RGS7: variants seen among roughly 807,000 people sequenced by gnomAD.
RGS7 encodes regulator of G-protein signaling 7.
In RGS7, 27 loss-of-function variants were observed where a neutral mutation model predicts 81.1. That is an observed-to-expected ratio of 0.33 (90% CI 0.25 to 0.46). The LOEUF (loss-of-function observed/expected upper bound fraction) is 0.46, where lower values mean the gene tolerates loss of function less well. RGS7 is among the 20% of genes least tolerant of loss of function. RGS7 has a pLI of 1.00. For synonymous variants in RGS7, 208 were observed against 207.7 expected (o/e 1.00, Z -0.01); for missense variants, 396 against 607.4 (o/e 0.65, Z 3.66).
At position 241,315,351 on chromosome 1, in the gene RGS7, C is replaced by G. The variant is rs576112143; in HGVS notation, c.78+40348G>C. Among the ~76,000 whole-genome samples the G allele has an allele frequency of 1.6e-3, 245 of 151,978 alleles. 12 individuals carry two copies. The South Asian group carries it at 0.049, about 31-fold the overall frequency. ...TTCCCCAGCCGTGCTCTCCTGTCAA[C>G]AACTGTCTGATATCTGATAATAGCT... On this transcript the variant is annotated intron_variant, in intron 2 of 18. Coordinates refer to ENST00000440928, the MANE Select transcript of RGS7 (RefSeq NM_001364886.1).
At chr1:241,190,510 G>C (rs2072558386) in intron 2 of RGS7, among the ~76,000 whole-genome samples, 1 of 152,048 alleles carries the variant, frequency 6.6e-6, no homozygotes, top group South Asian at 2.1e-4. Context: ...TAGTACTGTA[G>C]TTTTCAGCAC....
chr1:241,189,358 T>C (rs1304711375), intron 2 of RGS7, among the ~76,000 whole-genome samples: 2 of 152,220 alleles, frequency 1.3e-5, no homozygotes, highest in African/African-American at 4.8e-5. Context: ...GCCCTTGGTC[T>C]AATTGTTTGC....
In RGS7 at chr1:241,210,377, G is replaced by A. The variant is rs563055350; in HGVS notation, c.79-111615C>T. Among the ~76,000 whole-genome samples the A allele has an allele frequency of 6.9e-4, 105 of 152,098 alleles. 1 individual carries two copies. The South Asian group carries it at 0.02, about 29-fold the overall frequency. The stretch of plus-strand genomic sequence containing the variant: ...GTTGGCCAGGCTGGTCTCAAACTCC[G>A]GACCTCGTGATCCACCCACCTCGGC... On this transcript the variant is annotated intron_variant, in intron 2 of 18. Coordinates refer to ENST00000440928, the MANE Select transcript of RGS7 (RefSeq NM_001364886.1).
intron 2 of RGS7, among the ~76,000 whole-genome samples, chr1:241,202,425 G>T (rs1240320997): frequency 6.6e-6 from 1 of 152,114 alleles, no homozygotes; most frequent in Non-Finnish European, 1.5e-5. Context: ...AAGAGAAAAG[G>T]CATACAAATT....
At chr1:240,808,783 G>C (rs1689324757) in intron 14 of RGS7, among the ~76,000 whole-genome samples, 1 of 152,036 alleles carries the variant, frequency 6.6e-6, no homozygotes, top group Admixed American at 6.6e-5. Flanking sequence ...GCTGAGGTGG[G>C]AGGATCAGTT....
intron 14 of RGS7, among the ~76,000 whole-genome samples, chr1:240,810,603 T>C (rs1268199199): frequency 3.3e-5 from 5 of 151,930 alleles, no homozygotes; most frequent in Non-Finnish European, 7.4e-5. Context: ...TGTGCCACCA[T>C]GCCCGGTTAA....
chr1:241,019,360 A>AT (rs906030070), intron 3 of RGS7, among the ~76,000 whole-genome samples: 5 of 151,726 alleles, frequency 3.3e-5, no homozygotes, highest in East Asian at 3.9e-4. Flanking sequence ...TTATTTATTT[A>AT]TTTTTTTAAA....
At chr1:241,309,799 C>A (rs555008653) in intron 2 of RGS7, among the ~76,000 whole-genome samples, 1 of 152,302 alleles carries the variant, frequency 6.6e-6, no homozygotes, top group East Asian at 1.9e-4. Flanking sequence ...AGGCAAAATG[C>A]AAATGTTAGA....
chr1:241,308,422 G>A (rs1288302785), intron 2 of RGS7, among the ~76,000 whole-genome samples: 1 of 152,172 alleles, frequency 6.6e-6, no homozygotes, highest in Non-Finnish European at 1.5e-5. Context: ...GTTTTGACAC[G>A]GATATGGATT....
At chr1:241,169,572 T>C (rs1471989422) in intron 2 of RGS7, among the ~76,000 whole-genome samples, 1 of 151,954 alleles carries the variant, frequency 6.6e-6, no homozygotes, top group African/African-American at 2.4e-5. Context: ...CTTGAACTCC[T>C]GACCTTGTGA....
intron 2 of RGS7, among the ~76,000 whole-genome samples, chr1:241,328,702 T>C (rs1432459319): frequency 6.6e-6 from 1 of 152,220 alleles, no homozygotes; most frequent in Non-Finnish European, 1.5e-5. Context: ...GCATGGCTAC[T>C]ATCTGGGATG....
chr1:240,858,399 T>C (rs187565254), intron 9 of RGS7, among the ~76,000 whole-genome samples: 37 of 152,322 alleles, frequency 2.4e-4, no homozygotes, highest in African/African-American at 8.4e-4. Flanking sequence ...CTCACCAGCA[T>C]TGGATGTTGC....
At chr1:241,085,633 T>C (rs1218495211) in intron 3 of RGS7, among the ~76,000 whole-genome samples, 1 of 152,120 alleles carries the variant, frequency 6.6e-6, no homozygotes, top group Non-Finnish European at 1.5e-5. Flanking sequence ...TTTGCCATGT[T>C]GGCCAGGCTA....
At chr1:240,864,721 T>A (rs1662906322) in intron 9 of RGS7, among the ~76,000 whole-genome samples, 1 of 152,168 alleles carries the variant, frequency 6.6e-6, no homozygotes, top group Admixed American at 6.5e-5. Context: ...ACATCAGCCT[T>A]AAGTCAAGGT....
intron 9 of RGS7, among the ~76,000 whole-genome samples, chr1:240,858,954 C>A (rs1006625044): frequency 2.6e-5 from 4 of 152,048 alleles, no homozygotes; most frequent in Non-Finnish European, 5.9e-5. Context: ...GTTTTCCTTC[C>A]TTGCAATGAC....
At chr1:241,019,254 C>G (rs2059422072) in intron 3 of RGS7, among the ~76,000 whole-genome samples, 1 of 152,178 alleles carries the variant, frequency 6.6e-6, no homozygotes, top group Non-Finnish European at 1.5e-5. Flanking sequence ...CTAGCATCTT[C>G]TGCTCCAAGT....
intron 9 of RGS7, among the ~76,000 whole-genome samples, chr1:240,827,881 A>C (rs573426882): frequency 8.6e-5 from 13 of 150,732 alleles, no homozygotes; most frequent in South Asian, 2.1e-4. Flanking sequence ...AAAAAAAAAA[A>C]AAAAAAACAG....
chr1:241,303,143 C>A (rs1015227831), intron 2 of RGS7, among the ~76,000 whole-genome samples: 1 of 145,502 alleles, frequency 6.9e-6, no homozygotes, highest in Admixed American at 6.7e-5. Flanking sequence ...TGCGTCCCTG[C>A]CCAAAGTTCA....
chr1:241,003,911 G>C (rs1408677606), intron 3 of RGS7, among the ~76,000 whole-genome samples: 1 of 152,110 alleles, frequency 6.6e-6, no homozygotes, highest in African/African-American at 2.4e-5. Flanking sequence ...ACCATGCCCA[G>C]CCAATTTTGC....
Sources: gnomAD v4.1 joint callset for allele counts (sites outside exome capture counted in the v4.1 genomes callset) on GRCh38, gnomAD v4.1.1 for gene constraint, MANE v1.5 for transcripts, NCBI Gene and HGNC (gene_info 2026-07-23, HGNC 2026-07-21) for gene names.